UBR1: variants seen among roughly 807,000 people sequenced by gnomAD.
UBR1 encodes the protein E3 ubiquitin-protein ligase UBR1.
UBR1 carries 102 observed loss-of-function variants against 242.1 expected under a neutral mutation model. The ratio of observed to expected loss-of-function variants is 0.42; its 90% CI spans 0.36 to 0.50. UBR1 has a LOEUF of 0.50. UBR1 is among the 20% of genes least tolerant of loss of function. The pLI is 0.01. For synonymous variants in UBR1, 675 were observed against 684.8 expected (o/e 0.99, Z 0.22); for missense variants, 1,772 against 2,101.8 (o/e 0.84, Z 3.07).
intron 15 of UBR1, among the ~76,000 whole-genome samples, chr15:43,039,441 T>C (rs2141319617): frequency 6.6e-6 from 1 of 152,322 alleles, no homozygotes; most frequent in African/African-American, 2.4e-5. Flanking sequence ...TTTGAAGCAA[T>C]TGTGAATGGG....
chr15:43,034,830 T>A (rs1420216957), intron 19 of UBR1, among the ~76,000 whole-genome samples: 2 of 146,304 alleles, frequency 1.4e-5, no homozygotes, highest in Non-Finnish European at 3.0e-5. Context: ...GAGGTTATGG[T>A]GAGCCGAGAT....
At chr15:42,985,252 T>C (rs1184386073) in intron 35 of UBR1, among the ~76,000 whole-genome samples, 6 of 152,186 alleles carry the variant, frequency 3.9e-5, no homozygotes, top group Admixed American at 3.9e-4. Context: ...ATCTTTTTTA[T>C]GCAAAATTTT....
At chr15:43,033,589 G>A (rs1263478331) in intron 19 of UBR1, among the ~76,000 whole-genome samples, 1 of 152,236 alleles carries the variant, frequency 6.6e-6, no homozygotes, top group Non-Finnish European at 1.5e-5. Flanking sequence ...GGGAGGCAGA[G>A]GTTGCAGTGA....
intron 39 of UBR1, among the ~76,000 whole-genome samples, chr15:42,973,589 C>T (rs1204815105): frequency 1.4e-5 from 2 of 144,340 alleles, no homozygotes; most frequent in East Asian, 4.1e-4. Flanking sequence ...CCACAGCACC[C>T]GGCCTCATCG....
intron 28 of UBR1, 29 bp downstream of exon 28, chr15:43,017,066 A>G (rs754200638): frequency 6.4e-7 from 1 of 1,552,190 alleles, no homozygotes; most frequent in Non-Finnish European, 8.9e-7. Flanking sequence ...GAATGTCACC[A>G]TTACTACAGT....
rs769246548 is a variant in UBR1, at chr15:43,017,169, C to T, written c.2953G>A (p.Val985Met). Residue 985 changes from valine (V) to methionine (M), a missense_variant, in exon 28 of 47, where the codon GTG (valine) becomes ATG (methionine). Val to Met is a conservative substitution (Grantham distance 21). Transcript: ENST00000290650. ...CAAGATTTTTCTCTTAATCGCTTCA[C>T]TGTGTCAAACATCTGTGAAAAACAG... Reference protein sequence around the residue: ...ITWILQMFDTVKRLREKSCLI... With the variant: ...ITWILQMFDTMKRLREKSCLI... 2 of 1,612,760 alleles carry T rather than the reference C, an allele frequency of 1.2e-6. No homozygotes were observed. The highest frequency in any genetic ancestry group is 8.5e-7 in the Non-Finnish European group (1 of 1,179,546).
At chr15:43,096,174 CTTT>C (rs533952574) in intron 1 of UBR1, among the ~76,000 whole-genome samples, 2 of 141,090 alleles carry the variant, frequency 1.4e-5, no homozygotes. Flanking sequence ...CAATTTCTCT[CTTT>C]TTTTTTTTTT....
At chr15:42,977,769 T>C (rs566596561) in intron 38 of UBR1, 111 bp downstream of exon 38, 19 of 969,030 alleles carry the variant, frequency 2.0e-5, no homozygotes, top group Middle Eastern at 2.2e-4. Flanking sequence ...CCAAACTTTA[T>C]AGATTAAACA....
chr15:42,985,685 C>A (rs2032447226), intron 35 of UBR1, among the ~76,000 whole-genome samples: 1 of 151,480 alleles, frequency 6.6e-6, no homozygotes, highest in African/African-American at 2.4e-5. Context: ...TAGAAAAGAT[C>A]AATAGGAAAA....
At chr15:43,024,567 TAAC>T (rs1402708294) in intron 25 of UBR1, among the ~76,000 whole-genome samples, 1 of 152,322 alleles carries the variant, frequency 6.6e-6, no homozygotes, top group African/African-American at 2.4e-5. Flanking sequence ...CATGACACAA[TAAC>T]AACATGTCAA....
chr15:43,094,708 A>G (rs1360053552), intron 1 of UBR1, among the ~76,000 whole-genome samples: 1 of 152,120 alleles, frequency 6.6e-6, no homozygotes, highest in Non-Finnish European at 1.5e-5. Flanking sequence ...TTTCATCACA[A>G]TTAAGTTAGT....
chr15:43,013,761 G>A (rs1567125506), intron 29 of UBR1, among the ~76,000 whole-genome samples: 1 of 152,142 alleles, frequency 6.6e-6, no homozygotes, highest in Admixed American at 6.5e-5. Context: ...TTTCTAGAAT[G>A]AAAATAGTTG....
In UBR1 at chr15:43,089,404, A is replaced by G. The variant is rs577076650; in HGVS notation, c.82-3164T>C. Among the ~76,000 whole-genome samples, 25 of 152,150 alleles carry G rather than the reference A, an allele frequency of 1.6e-4. No homozygotes were observed. In the South Asian group the frequency reaches 2.3e-3, roughly 14 times the overall value. ...CAGCTACTCGGGAGGCTGAGGCAGG[A>G]GAATGTCGTGAACCCAGGAGGCGGA... On this transcript the variant is annotated intron_variant, in intron 1 of 46. Coordinates refer to ENST00000290650, the MANE Select transcript of UBR1 (RefSeq NM_174916.3).
intron 8 of UBR1, 133 bp from the exon 9 acceptor site, chr15:43,059,325 A>T: frequency 1.3e-6 from 1 of 773,126 alleles, no homozygotes. Flanking sequence ...TCAGCCTCTC[A>T]CAGTGCTGGC....
intron 1 of UBR1, among the ~76,000 whole-genome samples, chr15:43,105,197 A>G (rs2034282652): frequency 6.6e-6 from 1 of 152,176 alleles, no homozygotes; most frequent in Non-Finnish European, 1.5e-5. Context: ...TCCACACTAG[A>G]TGCCCTGGGC....
chr15:42,975,202 C>G (rs2032269601), intron 39 of UBR1, among the ~76,000 whole-genome samples: 1 of 152,150 alleles, frequency 6.6e-6, no homozygotes, highest in South Asian at 2.1e-4. Flanking sequence ...CCTCTATTGT[C>G]TCTTTTATAA....
At position 43,048,374 on chromosome 15, in the gene UBR1, A is replaced by T; in HGVS notation, c.1539+18T>A. 1 of 1,582,774 alleles carries T rather than the reference A, an allele frequency of 6.3e-7. No homozygotes were observed. Among genetic ancestry groups the T allele is most frequent in the Non-Finnish European group, 8.7e-7 (1 of 1,155,628 alleles). On this transcript the variant is annotated intron_variant, in intron 13 of 46. Coordinates refer to ENST00000290650, the MANE Select transcript of UBR1 (RefSeq NM_174916.3). ...AAAAATAAATTTCTTTTACTGATGT[A>T]CAGAAAAATGATCATACCTGCATAC...
chr15:43,017,543 C>T (rs1057264669), intron 27 of UBR1, among the ~76,000 whole-genome samples: 1 of 152,054 alleles, frequency 6.6e-6, no homozygotes, highest in African/African-American at 2.4e-5. Flanking sequence ...CTTTGGGAGG[C>T]GGAGGCGGGT....
At chr15:43,095,527 A>C (rs961217333) in intron 1 of UBR1, among the ~76,000 whole-genome samples, 12 of 150,854 alleles carry the variant, frequency 8.0e-5, no homozygotes, top group African/African-American at 2.9e-4. Context: ...GATTAGAATT[A>C]GAGTGTGACA....
Sources: gnomAD v4.1 joint callset for allele counts (sites outside exome capture counted in the v4.1 genomes callset) on GRCh38, gnomAD v4.1.1 for gene constraint, MANE v1.5 for transcripts, NCBI Gene and HGNC (gene_info 2026-07-23, HGNC 2026-07-21) for gene names.